LIG1: variants seen among roughly 807,000 people sequenced by gnomAD.
The protein encoded by LIG1 is DNA ligase 1.
Under a neutral mutation model 115.7 loss-of-function variants are expected in LIG1, and 70 were observed. The observed-to-expected ratio is 0.60, with a 90% CI of 0.50 to 0.74. LIG1 has a LOEUF of 0.74. LIG1 is among the 30% of genes least tolerant of loss of function. The probability of loss-of-function intolerance (pLI) is 0.00; values close to 1 mark genes in which losing one functional copy is unlikely to be tolerated. For missense variants in LIG1, 1,115 were observed against 1,225.6 expected (o/e 0.91, Z 1.35); for synonymous variants, 487 against 495.3 (o/e 0.98, Z 0.22).
intron 21 of LIG1, among the ~76,000 whole-genome samples, chr19:48,126,722 A>G (rs1028916837): frequency 7.9e-5 from 12 of 151,866 alleles, no homozygotes; most frequent in Admixed American, 1.3e-4. Flanking sequence ...AATAAATCCA[A>G]TATGCTCACC....
intron 9 of LIG1, among the ~76,000 whole-genome samples, chr19:48,146,293 G>A (rs935511802): frequency 2.6e-5 from 4 of 152,060 alleles, no homozygotes; most frequent in Admixed American, 6.5e-5. Flanking sequence ...CACTGAGGTC[G>A]GGAGTTTGAG....
chr19:48,143,505 C>CGCGGGGGGGGGGGGGGGGGGGGGGGG, intron 11 of LIG1, 38 bp downstream of exon 11: 3 of 850,466 alleles, frequency 3.5e-6, no homozygotes, highest in Non-Finnish European at 6.1e-6. Context: ...GACCCAGAAG[C>CGCGGGGGGGGGGGGGGGGGGGGGGGG]GACCCCGCCC....
chr19:48,149,849 T>A lies in LIG1; in HGVS notation c.698-8A>T. 3.1e-6 allele frequency: 5 copies of A among 1,613,576 alleles called. No homozygotes were observed. The highest frequency in any genetic ancestry group is 4.2e-6 in the Non-Finnish European group (5 of 1,179,828). On this transcript the variant is annotated splice_region_variant and splice_polypyrimidine_tract_variant and intron_variant, in intron 8 of 27. Coordinates refer to ENST00000263274, the MANE Select transcript of LIG1 (RefSeq NM_000234.3). ...CTGCTGGCTTCCGGGGGGCTAGGAA[T>A]GAAGACAGAAAACAGTGGGTCTTTT... is the stretch of plus-strand genomic sequence containing the variant.
chr19:48,157,526 C>A (rs2035927496), intron 4 of LIG1, among the ~76,000 whole-genome samples: 1 of 151,916 alleles, frequency 6.6e-6, no homozygotes, highest in Non-Finnish European at 1.5e-5. Context: ...TGATGTACAC[C>A]TCTTCGTATA....
Position 48,135,737 on chromosome 19 carries a change from G to A in LIG1, c.1466C>T (p.Ala489Val). 1 of 1,614,138 alleles carries A rather than the reference G, an allele frequency of 6.2e-7. No individual in the cohort carries two copies. The highest frequency in any genetic ancestry group is 1.1e-5 in the South Asian group (1 of 91,080). Residue 489 changes from alanine (A) to valine (V), a missense_variant, in exon 16 of 28, where the codon GCA becomes GTA. Transcript: ENST00000263274. The stretch of plus-strand genomic sequence containing the variant: ...CTCCAGCCACGTCTTTCTGGCCTCT[G>A]CTGTCTTGCCCTTCCCAGCATCCAC... ...AMVDAGKGKT[A>V]EARKTWLEEQ...
intron 1 of LIG1, among the ~76,000 whole-genome samples, chr19:48,167,639 G>A (rs978356017): frequency 1.1e-4 from 16 of 151,750 alleles, no homozygotes; most frequent in African/African-American, 2.9e-4. Context: ...AGCCTGGCCC[G>A]CATGGTGAAA....
rs770498504 is a variant in LIG1, at chr19:48,150,187, C to T, written c.598G>A (p.Val200Ile). 6.8e-6 allele frequency: 11 copies of T among 1,614,064 alleles called. No individual in the cohort carries two copies. Among genetic ancestry groups the T allele is most frequent in the South Asian group, 1.1e-5 (1 of 91,086 alleles). The change falls in exon 8 of 28, where the codon GTT (valine) becomes ATT (isoleucine). Residue 200 changes from valine to isoleucine, a missense_variant. By Grantham distance (29) the Val-to-Ile change is conservative. Coordinates refer to ENST00000263274, the MANE Select transcript of LIG1 (RefSeq NM_000234.3). ...TSKAETPTES[V>I]SEPEVATKQE... is the part of the protein sequence containing the mutation. Reference sequence around the variant, plus strand: ...TTCGTGGCCACCTCAGGCTCTGAAACGCTTTCCGTCGGGGTCTCTGCTTCT... The same window carrying T: ...TTCGTGGCCACCTCAGGCTCTGAAATGCTTTCCGTCGGGGTCTCTGCTTCT...
chr19:48,168,996 G>A (rs1388596935), intron 1 of LIG1, among the ~76,000 whole-genome samples: 2 of 152,056 alleles, frequency 1.3e-5, no homozygotes, highest in Non-Finnish European at 2.9e-5. Flanking sequence ...ATAATGACAG[G>A]AAAAATATCA....
intron 3 of LIG1, 73 bp downstream of exon 3, chr19:48,162,189 T>C (rs1325891618): frequency 4.9e-6 from 7 of 1,417,428 alleles, no homozygotes; most frequent in East Asian, 2.3e-5. Flanking sequence ...TGCATTAGGT[T>C]TGAACACTTG....
intron 9 of LIG1, among the ~76,000 whole-genome samples, chr19:48,147,932 G>C (rs1161125957): frequency 6.6e-6 from 1 of 152,232 alleles, no homozygotes; most frequent in African/African-American, 2.4e-5. Context: ...GACTAAGAAG[G>C]CTGGGACCTC....
chr19:48,136,130 G>C lies in LIG1; in HGVS notation c.1332-5C>G. On this transcript the variant is annotated splice_polypyrimidine_tract_variant and splice_region_variant and intron_variant, in intron 14 of 27. Transcript: ENST00000263274. ...CGCAGCCGTCCGCTCAGGGACCTGG[G>C]GAGAGAGCAGGCCAGGGAAGGGGGC... 6.4e-7 allele frequency: 1 copy of C among 1,561,306 alleles called. No individual in the cohort carries two copies. The highest frequency in any genetic ancestry group is 8.7e-7 in the Non-Finnish European group (1 of 1,152,846).
chr19:48,145,246 G>A (rs549090017), intron 9 of LIG1, among the ~76,000 whole-genome samples: 1 of 152,278 alleles, frequency 6.6e-6, no homozygotes, highest in South Asian at 2.1e-4. Flanking sequence ...GCCAAACTCT[G>A]CATTCAGACT....
rs1190018061 is a variant in LIG1 at position 48,122,697 on chromosome 19, G to A, written c.2232+237C>T. On this transcript the variant is annotated intron_variant, in intron 23 of 27. Transcript: ENST00000263274. The surrounding 1 kb of genome is among the most constrained non-coding windows in gnomAD (Gnocchi z 4.3). ...CAGGAGAGAGACACCTCATCACGCTGCACCTCGTGGGATGTGCGGTGCTTG... is the reference window on the plus strand; with the variant it reads ...CAGGAGAGAGACACCTCATCACGCTACACCTCGTGGGATGTGCGGTGCTTG... Among the ~76,000 whole-genome samples the A allele has an allele frequency of 6.6e-6, 1 of 152,196 alleles. No homozygotes were observed. The highest frequency in any genetic ancestry group is 1.5e-5 in the Non-Finnish European group (1 of 68,030).
intron 14 of LIG1, among the ~76,000 whole-genome samples, chr19:48,136,458 G>A (rs749473544): frequency 8.5e-5 from 13 of 152,146 alleles, no homozygotes; most frequent in Non-Finnish European, 1.8e-4. Context: ...CCGCCCTGGT[G>A]ACTGTAATGG....
chr19:48,145,159 A>T (rs573547068), intron 9 of LIG1, among the ~76,000 whole-genome samples: 2 of 152,042 alleles, frequency 1.3e-5, no homozygotes, highest in Non-Finnish European at 2.9e-5. Flanking sequence ...TCGACCTCCC[A>T]AAGTCCTGGG....
rs796103651 is a variant in LIG1 at position 48,148,904 on chromosome 19, G to A, written c.776+859C>T. Reference sequence around the variant, plus strand: ...TCACGAGGGCTGGGGCAGGGCGGCCGGCTCTCTATGGTTCATCCTCGTGGG... The same window carrying A: ...TCACGAGGGCTGGGGCAGGGCGGCCAGCTCTCTATGGTTCATCCTCGTGGG... On this transcript the variant is annotated intron_variant, in intron 9 of 27. Coordinates refer to ENST00000263274, the MANE Select transcript of LIG1 (RefSeq NM_000234.3). Among the ~76,000 whole-genome samples the A allele has an allele frequency of 5.2e-4, 79 of 152,324 alleles. 1 individual carries two copies. The highest frequency in any genetic ancestry group is 1.6e-3 in the African/African-American group (65 of 41,572).
At chr19:48,128,516 G>A (rs2033818065) in intron 19 of LIG1, among the ~76,000 whole-genome samples, 1 of 152,152 alleles carries the variant, frequency 6.6e-6, no homozygotes, top group Admixed American at 6.5e-5. Context: ...GTCGTCCCTC[G>A]CCTCACCTGG....
At position 48,150,063 on chromosome 19, in the gene LIG1, G is replaced by A. The variant is rs772625676; in HGVS notation, c.697+25C>T. On this transcript the variant is annotated intron_variant, in intron 8 of 27. Coordinates refer to ENST00000263274, the MANE Select transcript of LIG1 (RefSeq NM_000234.3). ...GCCTCCTGCCTGTACAACCCCGGGA[G>A]GTGGGGTGAGCAAGGGAAACTCACT... 4.3e-6 allele frequency: 7 copies of A among 1,614,014 alleles called. No homozygotes were observed. In the East Asian group the frequency reaches 1.6e-4, roughly 36 times the overall value.
At chr19:48,168,424 G>A (rs1478026611) in intron 1 of LIG1, among the ~76,000 whole-genome samples, 1 of 152,174 alleles carries the variant, frequency 6.6e-6, no homozygotes, top group African/African-American at 2.4e-5. Flanking sequence ...CCTTACCACG[G>A]TACTCAAGGC....
Sources: allele counts gnomAD v4.1 joint callset (sites outside exome capture counted in the v4.1 genomes callset), GRCh38; gene constraint gnomAD v4.1.1; non-coding constraint Gnocchi (gnomAD v3.1); transcripts MANE v1.5; gene names NCBI Gene and HGNC (gene_info 2026-07-23, HGNC 2026-07-21).